Variants in SLC25A37 observed in about 807,000 individuals in gnomAD.
SLC25A37 encodes the protein solute carrier family 25 member 37, also known as mitoferrin-1.
In SLC25A37, 17 loss-of-function variants were observed where a neutral mutation model predicts 31.0. That is an observed-to-expected ratio of 0.55 (90% confidence interval 0.38 to 0.82). The LOEUF (loss-of-function observed/expected upper bound fraction) is 0.82. SLC25A37 is among the 40% of genes least tolerant of loss of function. The pLI is 0.00. For synonymous variants in SLC25A37, 222 were observed against 193.0 expected, an observed-to-expected ratio of 1.15 and a Z score of -1.24; for missense variants, 404 against 465.8, an observed-to-expected ratio of 0.87 and a Z score of 1.22.
chr8:23,559,437 C>T (rs1328263080), intron 1 of SLC25A37, among the ~76,000 whole-genome samples: 2 of 151,970 alleles, frequency 1.3e-5, no homozygotes, highest in East Asian at 1.9e-4. Context: ...TTCCTTTTTC[C>T]TCCTCTCCAC....
intron 1 of SLC25A37, among the ~76,000 whole-genome samples, chr8:23,559,354 CGTGTGTGTGCGCGCGCGCGTGTGTGT>C (rs1563262735): frequency 6.6e-6 from 1 of 150,924 alleles, no homozygotes; most frequent in Non-Finnish European, 1.5e-5. Flanking sequence ...TGTGTGTGTG[CGTGTGTGTGCGCGCGCGCGTGTGTGT>C]GTTTATTTTT....
intron 1 of SLC25A37, among the ~76,000 whole-genome samples, chr8:23,545,365 G>A (rs7814501): frequency 0.37 from 56,814 of 152,120 alleles, 12,227 homozygotes; most frequent in East Asian, 0.62. Context: ...TCAAATGCCA[G>A]GGGCACAGTC....
chr8:23,551,917 A>C (rs1262989907), intron 1 of SLC25A37, among the ~76,000 whole-genome samples: 1 of 152,132 alleles, frequency 6.6e-6, no homozygotes, highest in Non-Finnish European at 1.5e-5. Context: ...CTTCCTTGTG[A>C]TGCTGCAGGG....
At position 23,529,182 on chromosome 8, in the gene SLC25A37, C is replaced by G; in HGVS notation, c.180C>G (p.His60Gln). 6.2e-7 allele frequency: 1 copy of G among 1,611,680 alleles called. No individual in the cohort carries two copies. Among genetic ancestry groups the G allele is most frequent in the Non-Finnish European group, 8.5e-7 (1 of 1,179,166 alleles). ...GAGCGATGGCCGGGATCCTGGAGCA[C>G]TCGGTCATGTACCCGGTGGACTCGG... ...TAGAMAGILEHSVMYPVDSVK... is the reference protein window; with the variant it reads ...TAGAMAGILEQSVMYPVDSVK... Residue 60 changes from histidine to glutamine, a missense_variant, in exon 1 of 4, where the codon CAC becomes CAG. Transcript: ENST00000519973. This position sits in a 1 kb window ranked among gnomAD's most constrained non-coding sequence, Gnocchi z 4.1.
At chr8:23,562,164 A>G (rs1035080464) in intron 1 of SLC25A37, among the ~76,000 whole-genome samples, 12 of 152,194 alleles carry the variant, frequency 7.9e-5, no homozygotes, top group African/African-American at 2.2e-4. Flanking sequence ...AAGAAGATAC[A>G]CTGCCATTCT....
chr8:23,535,221 T>C (rs1338093483), intron 1 of SLC25A37, among the ~76,000 whole-genome samples: 1 of 152,176 alleles, frequency 6.6e-6, no homozygotes, highest in African/African-American at 2.4e-5. Flanking sequence ...AGCGAAGCCC[T>C]TCAGGGGACA....
intron 1 of SLC25A37, among the ~76,000 whole-genome samples, chr8:23,543,639 A>G (rs1482002956): frequency 6.6e-6 from 1 of 152,044 alleles, no homozygotes; most frequent in Non-Finnish European, 1.5e-5. Context: ...GCTTCATGCC[A>G]TTCTCCTTCC....
intron 1 of SLC25A37, among the ~76,000 whole-genome samples, chr8:23,548,573 C>T (rs1031048970): frequency 2.0e-5 from 3 of 150,304 alleles, no homozygotes; most frequent in Non-Finnish European, 2.9e-5. Context: ...TGGGTTCAAG[C>T]GATGCTACTG....
chr8:23,563,085 A>T (rs1802558816), intron 1 of SLC25A37, among the ~76,000 whole-genome samples: 1 of 152,134 alleles, frequency 6.6e-6, no homozygotes, highest in Non-Finnish European at 1.5e-5. Context: ...AGGTGTTGTG[A>T]CCATGACCTG....
intron 1 of SLC25A37, among the ~76,000 whole-genome samples, chr8:23,548,694 T>A (rs1414832181): frequency 6.6e-6 from 1 of 152,068 alleles, no homozygotes; most frequent in Non-Finnish European, 1.5e-5. Context: ...GGTCTCAAAT[T>A]CCCGACCTCA....
Position 23,573,668 on chromosome 8 carries a change from TATCA to T in SLC25A37, c.*1814_*1817del, listed in dbSNP as rs946318719. 1 of 399,438 alleles carries T rather than the reference TATCA, an allele frequency of 2.5e-6. No individual in the cohort carries two copies. The highest frequency in any genetic ancestry group is 2.1e-5 in the African/African-American group (1 of 48,452). The allele number at this position is 399,438 out of a possible 1,614,324, so 24.7% of individuals were successfully genotyped here. A position where few individuals can be genotyped will look rare whatever the true frequency, so the allele number is the denominator to read the frequency against. Reference sequence around the variant, plus strand: ...TTGCCCTAATAGCGATGAAGAATTTTATCAGTCAGTGGAGTTCCTTTTTCAGATC... The same window carrying T: ...TTGCCCTAATAGCGATGAAGAATTTTGTCAGTGGAGTTCCTTTTTCAGATC... On this transcript the variant is annotated 3_prime_UTR_variant, in exon 4 of 4. Transcript: ENST00000519973.
chr8:23,547,004 T>C (rs916533254), intron 1 of SLC25A37, among the ~76,000 whole-genome samples: 1 of 152,158 alleles, frequency 6.6e-6, no homozygotes, highest in African/African-American at 2.4e-5. Flanking sequence ...TTGGTGACGC[T>C]TTGCCTGGCC....
At chr8:23,552,763 T>C (rs569783355) in intron 1 of SLC25A37, among the ~76,000 whole-genome samples, 2 of 152,294 alleles carry the variant, frequency 1.3e-5, no homozygotes, top group South Asian at 2.1e-4. Flanking sequence ...CAGCAAAATA[T>C]GGTAGCAAGT....
intron 1 of SLC25A37, among the ~76,000 whole-genome samples, chr8:23,561,182 G>T (rs1802505540): frequency 6.6e-6 from 1 of 152,188 alleles, no homozygotes; most frequent in African/African-American, 2.4e-5. Flanking sequence ...TTGACATAGT[G>T]AGTTTAGGGC....
Position 23,566,192 on chromosome 8 carries a change from G to T in SLC25A37, c.295G>T (p.Gly99Cys). ...GALKKIMRTE[G>C]FWRPLRGVNV... ...CCTCAAGAAAATCATGCGGACCGAAGGCTTCTGGAGGCCCTTGCGAGGCGT... is the reference window on the plus strand; with the variant it reads ...CCTCAAGAAAATCATGCGGACCGAATGCTTCTGGAGGCCCTTGCGAGGCGT... Residue 99 changes from glycine to cysteine, a missense_variant, in exon 2 of 4, where the codon GGC becomes TGC. Coordinates refer to ENST00000519973, the MANE Select transcript of SLC25A37 (RefSeq NM_016612.4). 1.2e-6 allele frequency: 2 copies of T among 1,605,618 alleles called. No individual in the cohort carries two copies. Among genetic ancestry groups the T allele is most frequent in the South Asian group, 1.1e-5 (1 of 89,138 alleles).
At position 23,571,672 on chromosome 8, in the gene SLC25A37, G is replaced by C. The variant is rs1802848053; in HGVS notation, c.834G>C (p.Arg278=). Residue 278 remains arginine, a synonymous_variant, in exon 4 of 4, where the codon CGG becomes CGC. Transcript: ENST00000519973. Reference sequence around the variant, plus strand: ...TCTCGCTGGCCAACATCAGCGGCCGGCTGTCGGGTATGGCCAATGCCTTCC... The same window carrying C: ...TCTCGCTGGCCAACATCAGCGGCCGCCTGTCGGGTATGGCCAATGCCTTCC... ...VALSLANISG[R]LSGMANAFRT... 1 of 1,613,958 alleles carries C rather than the reference G, an allele frequency of 6.2e-7. No homozygotes were observed. Among genetic ancestry groups the C allele is most frequent in the South Asian group, 1.1e-5 (1 of 91,090 alleles).
chr8:23,551,913 T>G (rs1387396283), intron 1 of SLC25A37, among the ~76,000 whole-genome samples: 1 of 152,158 alleles, frequency 6.6e-6, no homozygotes, highest in Admixed American at 6.5e-5. Flanking sequence ...GTCCCTTCCT[T>G]GTGATGCTGC....
At chr8:23,567,976 CAA>C (rs1802713955) in intron 2 of SLC25A37, 1 of 372,592 alleles carries the variant, frequency 2.7e-6, no homozygotes, top group Non-Finnish European at 5.2e-6. Flanking sequence ...AGGCGAGGGA[CAA>C]GAGAGAGTTA....
At chr8:23,548,041 G>A (rs1802114970) in intron 1 of SLC25A37, among the ~76,000 whole-genome samples, 2 of 152,196 alleles carry the variant, frequency 1.3e-5, no homozygotes. Flanking sequence ...TCATTCCAGA[G>A]GAGCATCCGT....
Sources: allele counts gnomAD v4.1 joint callset (sites outside exome capture counted in the v4.1 genomes callset), GRCh38; gene constraint gnomAD v4.1.1; non-coding constraint Gnocchi (gnomAD v3.1); transcripts MANE v1.5; gene names NCBI Gene and HGNC (gene_info 2026-07-23, HGNC 2026-07-21).